The following IL33 variants were observed in gnomAD, a reference collection of about 807,000 sequenced individuals.
IL33 encodes interleukin 33.
A neutral mutation model predicts 27.3 loss-of-function variants in IL33; 37 were observed. That is an observed-to-expected ratio of 1.36 (90% confidence interval 1.04 to 1.78). The LOEUF is 1.78. IL33 is among the 40% of genes most tolerant of loss of function. The pLI, the probability that IL33 is intolerant of heterozygous loss-of-function variation, is 0.00. For missense variants in IL33, 406 were observed against 311.4 expected, an observed-to-expected ratio of 1.30 and a Z score of -2.29; for synonymous variants, 132 against 102.9, an observed-to-expected ratio of 1.28 and a Z score of -1.71.
At chr9:6,250,338 A>G (rs1442320907) in intron 2 of IL33, 136 bp from the exon 3 acceptor site, 19 of 1,033,738 alleles carry the variant, frequency 1.8e-5, no homozygotes, top group Non-Finnish European at 2.5e-5. Flanking sequence ...CCGAATTTTG[A>G]AACACAGCTG....
At chr9:6,249,344 T>A (rs1816197545) in intron 2 of IL33, among the ~76,000 whole-genome samples, 1 of 152,208 alleles carries the variant, frequency 6.6e-6, no homozygotes, top group Non-Finnish European at 1.5e-5. Context: ...CAAATAATAT[T>A]TTATTTTCTG....
In IL33 at chr9:6,228,678, G is replaced by A. The variant is rs920724426; in HGVS notation, c.-12+12826G>A. 1.2e-4 allele frequency among the ~76,000 whole-genome samples: 18 copies of A among 151,926 alleles called. No homozygotes were observed. In the East Asian group the frequency reaches 1.4e-3, roughly 11 times the overall value. Reference sequence around the variant, plus strand: ...TCGAGACCAGCCTGGGCAACAAAGCGAGACCCTGTCTCTACAAAAATAAAA... The same window carrying A: ...TCGAGACCAGCCTGGGCAACAAAGCAAGACCCTGTCTCTACAAAAATAAAA... On this transcript the variant is annotated intron_variant, in intron 1 of 7. Transcript: ENST00000682010.
At position 6,257,033 on chromosome 9, in the gene IL33, AAGT is replaced by A. The variant is rs1816775683; in HGVS notation, c.*867_*869del. 6.6e-6 allele frequency: 1 copy of A among 152,004 alleles called. No individual in the cohort carries two copies. The highest frequency in any genetic ancestry group is 2.4e-5 in the African/African-American group (1 of 41,376). 9.4% of individuals were successfully genotyped at this position (152,004 alleles called of 1,614,324 possible). On this transcript the variant is annotated 3_prime_UTR_variant, in exon 8 of 8. Coordinates refer to ENST00000682010, the MANE Select transcript of IL33 (RefSeq NM_033439.4). ...AGTCACAACATGTTTTAGAGCATCC[AAGT>A]ACCATATAATCCAACTATCATGGTA...
chr9:6,217,714 T>G (rs988752375), intron 1 of IL33, among the ~76,000 whole-genome samples: 2 of 152,242 alleles, frequency 1.3e-5, no homozygotes, highest in Non-Finnish European at 2.9e-5. Flanking sequence ...TTTCTTTTCT[T>G]TATTCCTTGC....
At chr9:6,222,799 G>A (rs1396896744) in intron 1 of IL33, among the ~76,000 whole-genome samples, 2 of 152,004 alleles carry the variant, frequency 1.3e-5, no homozygotes. Context: ...AAGTGTTGAT[G>A]TTGTATTAAC....
intron 1 of IL33, among the ~76,000 whole-genome samples, chr9:6,230,677 CTTCCACTGA>C (rs1818884656): frequency 6.6e-6 from 1 of 152,178 alleles, no homozygotes; most frequent in Non-Finnish European, 1.5e-5. Flanking sequence ...GACCTGTCTT[CTTCCACTGA>C]TTCCACTGGT....
intron 1 of IL33, among the ~76,000 whole-genome samples, 180 bp downstream of exon 1, chr9:6,216,032 GCT>G: frequency 6.6e-6 from 1 of 151,678 alleles, no homozygotes; most frequent in Non-Finnish European, 1.5e-5. Context: ...AATTCCATTT[GCT>G]TTCCTTTGGG....
intron 2 of IL33, among the ~76,000 whole-genome samples, chr9:6,243,481 G>A (rs1192462484): frequency 1.3e-5 from 2 of 152,064 alleles, no homozygotes; most frequent in Non-Finnish European, 2.9e-5. Flanking sequence ...AGCCTCCCAA[G>A]TAGCTGGAAT....
chr9:6,246,110 T>C (rs997142630), intron 2 of IL33, among the ~76,000 whole-genome samples: 1 of 135,236 alleles, frequency 7.4e-6, no homozygotes. Context: ...ATTGGGTGGA[T>C]AATGATAGAT....
chr9:6,219,670 C>T (rs1279815019), intron 1 of IL33, among the ~76,000 whole-genome samples: 1 of 152,034 alleles, frequency 6.6e-6, no homozygotes. Flanking sequence ...CAACAAAATC[C>T]CACTCAAGAC....
chr9:6,242,220 T>A (rs570422211), intron 2 of IL33: 3 of 152,522 alleles, frequency 2.0e-5, no homozygotes, highest in African/African-American at 7.2e-5. Context: ...CGACTACTGA[T>A]GAAGAAGAGA....
At chr9:6,245,134 G>A (rs1160351558) in intron 2 of IL33, among the ~76,000 whole-genome samples, 1 of 151,948 alleles carries the variant, frequency 6.6e-6, no homozygotes, top group African/African-American at 2.4e-5. Context: ...AAATCCAGCC[G>A]TCTTCATTCA....
At chr9:6,249,107 A>G (rs1345966264) in intron 2 of IL33, among the ~76,000 whole-genome samples, 1 of 152,232 alleles carries the variant, frequency 6.6e-6, no homozygotes, top group African/African-American at 2.4e-5. Flanking sequence ...TTAAGAATCA[A>G]TGGTAGAGAG....
At chr9:6,247,793 T>C (rs1819951484) in intron 2 of IL33, among the ~76,000 whole-genome samples, 2 of 151,998 alleles carry the variant, frequency 1.3e-5, no homozygotes, top group South Asian at 4.2e-4. Context: ...CCAAAGCATA[T>C]GTTCTTCAAA....
chr9:6,225,225 C>G (rs953803689), intron 1 of IL33, among the ~76,000 whole-genome samples: 1 of 152,152 alleles, frequency 6.6e-6, no homozygotes, highest in African/African-American at 2.4e-5. Context: ...TGGGATATTG[C>G]CCTGTGTAAC....
intron 1 of IL33, among the ~76,000 whole-genome samples, chr9:6,237,831 G>C (rs1287757989): frequency 6.6e-6 from 1 of 152,152 alleles, no homozygotes; most frequent in Non-Finnish European, 1.5e-5. Context: ...GGGTAGAAGA[G>C]AAAACAAACA....
At chr9:6,224,266 C>T (rs763624730) in intron 1 of IL33, among the ~76,000 whole-genome samples, 27 of 152,090 alleles carry the variant, frequency 1.8e-4, no homozygotes, top group Non-Finnish European at 3.1e-4. Flanking sequence ...TTCACTGGCT[C>T]TAACTATATA....
chr9:6,228,388 A>C (rs1818746653), intron 1 of IL33, among the ~76,000 whole-genome samples: 1 of 152,262 alleles, frequency 6.6e-6, no homozygotes. Flanking sequence ...TTGAATTTTT[A>C]CAAGATTCAG....
intron 2 of IL33, among the ~76,000 whole-genome samples, chr9:6,243,399 G>A (rs996467508): frequency 2.6e-5 from 4 of 152,126 alleles, no homozygotes; most frequent in African/African-American, 9.7e-5. Flanking sequence ...TTGTCTCCCA[G>A]GCTGAAGTGC....
Sources: gnomAD v4.1 joint callset for allele counts (sites outside exome capture counted in the v4.1 genomes callset) on GRCh38, gnomAD v4.1.1 for gene constraint, MANE v1.5 for transcripts, NCBI Gene and HGNC (gene_info 2026-07-23, HGNC 2026-07-21) for gene names.